Variants in MUC4 observed in about 807,000 individuals in gnomAD.
The protein encoded by MUC4 is mucin-4.
Under a neutral mutation model 257.9 loss-of-function variants are expected in MUC4, and 202 were observed. The ratio of observed to expected loss-of-function variants is 0.78; its 90% CI spans 0.70 to 0.88. The LOEUF is 0.88. Among genes scored for constraint, MUC4 ranks in the 40% least tolerant of loss-of-function variants. The probability of loss-of-function intolerance (pLI) is 0.00; values close to 1 mark genes in which losing one functional copy is unlikely to be tolerated. For missense variants in MUC4, 5,976 were observed against 6,513.7 expected (o/e 0.92, Z 2.84); for synonymous variants, 2,351 against 2,757.1 (o/e 0.85, Z 4.62).
chr3:195,804,505 T>C (rs1735733496), intron 1 of MUC4, among the ~76,000 whole-genome samples: 1 of 152,238 alleles, frequency 6.6e-6, no homozygotes, highest in Non-Finnish European at 1.5e-5. Context: ...CTAAGTGCTG[T>C]GGGTTGAGGC....
rs1460558268 is a variant in MUC4 at position 195,781,679 on chromosome 3, C to T, written c.9901G>A (p.Glu3301Lys). 2.2e-5 allele frequency: 29 copies of T among 1,289,904 alleles called. 2 individuals carry two copies. Among genetic ancestry groups the T allele is most frequent in the South Asian group, 1.2e-4 (9 of 74,998 alleles). 79.9% of individuals were successfully genotyped at this position (1,289,904 alleles called of 1,614,324 possible). ...TGACCTGTGGATACTGAGGAAGTCT[C>T]GGTGACAAGAAGAGGGGTGGTGTCA... is the stretch of plus-strand genomic sequence containing the variant. ...TGDTTPLLVT[E>K]TSSVSTGHAT... The change falls in exon 2 of 25, where the codon GAG becomes AAG. Residue 3301 changes from glutamate (E) to lysine (K), a missense_variant. By Grantham distance (56) the Glu-to-Lys change is moderately conservative (BLOSUM62 1). Coordinates refer to ENST00000463781, the MANE Select transcript of MUC4 (RefSeq NM_018406.7).
At chr3:195,753,368 T>TC in intron 19 of MUC4, 138 bp from the exon 20 acceptor site, 1 of 786,010 alleles carries the variant, frequency 1.3e-6, no homozygotes, top group Non-Finnish European at 2.0e-6. Flanking sequence ...AAACCATCCT[T>TC]CCCCCCTTTT....
chr3:195,767,542 ATCACCATCACCATTACCATTG>A lies in MUC4; in HGVS notation c.13530-812_13530-792del, dbSNP rs1224496343. ...CACCACCACCATCGCCACCACCATCATCACCATCACCATTACCATTGCCACCACCATCACCACCACCATCAC... is the reference window on the plus strand; with the variant it reads ...CACCACCACCATCGCCACCACCATCACCACCACCATCACCACCACCATCAC... On this transcript the variant is annotated intron_variant, in intron 7 of 24. Transcript: ENST00000463781. Among the ~76,000 whole-genome samples the A allele has an allele frequency of 2.9e-3, 363 of 124,676 alleles. 1 individual carries two copies. Among genetic ancestry groups the A allele is most frequent in the Middle Eastern group, 3.9e-3 (1 of 254 alleles). The allele number at this position is 124,676 out of a possible 152,430, so 81.8% of individuals were successfully genotyped here. A position where few individuals can be genotyped will look rare whatever the true frequency, so the allele number is the denominator to read the frequency against.
rs767007454 is a variant in MUC4 at position 195,784,702 on chromosome 3, C to T, written c.6878G>A (p.Ser2293Asn). The change falls in exon 2 of 25, where the codon AGC (serine) becomes AAC (asparagine). Residue 2293 changes from serine to asparagine, a missense_variant. By Grantham distance (46) the Ser-to-Asn change is conservative. Coordinates refer to ENST00000463781, the MANE Select transcript of MUC4 (RefSeq NM_018406.7). ...TGDTTPLPVTSPSSASTGHAT... is the reference protein window; with the variant it reads ...TGDTTPLPVTNPSSASTGHAT... The stretch of plus-strand genomic sequence containing the variant: ...GTGACCTGTGGATGCTGAGGAAGGG[C>T]TAGTGACAGGAAGAGGAGTGGTGTC... The T allele has an allele frequency of 4.9e-5, 69 of 1,406,316 alleles. 8 individuals carry two copies. Among genetic ancestry groups the T allele is most frequent in the African/African-American group, 1.2e-4 (4 of 34,764 alleles). The allele number at this position is 1,406,316 out of a possible 1,614,324, so 87.1% of individuals were successfully genotyped here.
At chr3:195,751,643 C>T (rs1271641948) in intron 21 of MUC4, 2 of 363,728 alleles carry the variant, frequency 5.5e-6, no homozygotes, top group Admixed American at 4.3e-5. Context: ...CTGGGGGTGT[C>T]AAGGTGACTT....
chr3:195,789,078 G>A lies in MUC4; in HGVS notation c.2502C>T (p.Pro834=). Reference sequence around the variant, plus strand: ...ACTGGGTTGTGTGACTGTCCCTGGAGGGGTTTGATGAAAACCTTGTCGTCT... The same window carrying A: ...ACTGGGTTGTGTGACTGTCCCTGGAAGGGTTTGATGAAAACCTTGTCGTCT... ...SGETTRFSSN[P]SRDSHTTQST... Residue 834 remains proline, a synonymous_variant, in exon 2 of 25, where the codon CCC becomes CCT. Transcript: ENST00000463781. The A allele has an allele frequency of 6.2e-7, 1 of 1,613,588 alleles. No individual in the cohort carries two copies. The highest frequency in any genetic ancestry group is 8.5e-7 in the Non-Finnish European group (1 of 1,179,712).
chr3:195,778,332 G>T lies in MUC4; in HGVS notation c.12914C>A (p.Ala4305Asp). 6.2e-7 allele frequency: 1 copy of T among 1,612,332 alleles called. No homozygotes were observed. The highest frequency in any genetic ancestry group is 8.5e-7 in the Non-Finnish European group (1 of 1,179,720). ...CTCAGGCAGGATGGGGATGGGGGCA[G>T]CTGTGGAGCGGGTGTGCATGGCAGT... ...PSTAMHTRST[A>D]APIPILPERG... Residue 4305 changes from alanine to aspartate, a missense_variant, in exon 3 of 25, where the codon GCT (alanine) becomes GAT (aspartate). Transcript: ENST00000463781.
chr3:195,752,252 G>A, intron 21 of MUC4, 121 bp downstream of exon 21: 1 of 942,468 alleles, frequency 1.1e-6, no homozygotes, highest in East Asian at 2.4e-5. Context: ...AGAGGCTCCG[G>A]CCTCCTCTGG....
At chr3:195,758,161 C>T (rs547077326) in intron 17 of MUC4, among the ~76,000 whole-genome samples, 1 of 152,320 alleles carries the variant, frequency 6.6e-6, no homozygotes, top group East Asian at 1.9e-4. Flanking sequence ...AAGTGGCATC[C>T]CTTTGATGCC....
intron 1 of MUC4, among the ~76,000 whole-genome samples, chr3:195,792,224 C>T (rs977605171): frequency 4.6e-5 from 7 of 152,024 alleles, no homozygotes; most frequent in African/African-American, 1.7e-4. Context: ...AAAATTTTTG[C>T]AATCTAACCA....
Position 195,765,349 on chromosome 3 carries a change from G to A in MUC4, c.13719C>T (p.Ser4573=), listed in dbSNP as rs751949619. The stretch of plus-strand genomic sequence containing the variant: ...GGCAGGAGACCTGGTTCCAGCCCCA[G>A]CTGGGCCACCGAGGCTGGCTCTTCA... ...QWLKSQPRWP[S]WGWNQVSCPC... The change falls in exon 9 of 25, where the codon AGC becomes AGT. Residue 4573 remains serine (S), a synonymous_variant. Coordinates refer to ENST00000463781, the MANE Select transcript of MUC4 (RefSeq NM_018406.7). 6.2e-7 allele frequency: 1 copy of A among 1,613,772 alleles called. No homozygotes were observed. The highest frequency in any genetic ancestry group is 8.5e-7 in the Non-Finnish European group (1 of 1,180,026).
rs201778696 is a variant in MUC4 at position 195,791,335 on chromosome 3, G to A, written c.245C>T (p.Thr82Met). ...GGTTTGAGCTTTGCTGGTGGTCTCC[G>A]TGCTCTTAGTCTGGTGGTTCTGAGA... ...ASSQNHQTKS[T>M]ETTSKAQTDT... Residue 82 changes from threonine to methionine, a missense_variant, in exon 2 of 25, where the codon ACG becomes ATG. Transcript: ENST00000463781. 2.3e-4 allele frequency: 366 copies of A among 1,613,708 alleles called. 1 individual carries two copies. Among genetic ancestry groups the A allele is most frequent in the Non-Finnish European group, 2.7e-4 (316 of 1,179,820 alleles).
chr3:195,751,317 G>C lies in MUC4; in HGVS notation c.15583-46C>G, dbSNP rs2291650. On this transcript the variant is annotated intron_variant, in intron 21 of 24. Coordinates refer to ENST00000463781, the MANE Select transcript of MUC4 (RefSeq NM_018406.7). ...TGGGGGTGGGGGTGAGGCCCCATCC[G>C]GGGGGGAGACGCCCTCCCACCTTGA... is the stretch of plus-strand genomic sequence containing the variant. 90 of 1,430,928 alleles carry C rather than the reference G, an allele frequency of 6.3e-5. No individual in the cohort carries two copies. The African/African-American group carries it at 9.9e-4, about 16-fold the overall frequency. 88.6% of individuals were successfully genotyped at this position (1,430,928 alleles called of 1,614,324 possible). A position where few individuals can be genotyped will look rare whatever the true frequency, so the allele number is the denominator to read the frequency against.
In MUC4 at chr3:195,778,795, G is replaced by A. The variant is rs901294491; in HGVS notation, c.12785C>T (p.Thr4262Ile). The change falls in exon 2 of 25, where the codon ACA becomes ATA. Residue 4262 changes from threonine (T) to isoleucine (I), a missense_variant. This residue lies in a region of MUC4 where 233 missense variants were observed against 171.2 expected (regional missense o/e 1.36). Transcript: ENST00000463781. ...GCGAGGCAGTTGGCAGCTACCTGGT[G>A]TTTCCATCTTCAGAGGGGAGTCCGA... ...VSSDSPLKMETPGMTTPSLKT... is the reference protein window; with the variant it reads ...VSSDSPLKMEIPGMTTPSLKT... The A allele has an allele frequency of 1.2e-6, 2 of 1,609,904 alleles. No individual in the cohort carries two copies. The highest frequency in any genetic ancestry group is 8.5e-7 in the Non-Finnish European group (1 of 1,178,034).
At chr3:195,763,290 G>A in intron 12 of MUC4, 143 bp downstream of exon 12, 1 of 858,192 alleles carries the variant, frequency 1.2e-6, no homozygotes. Context: ...TTTACTCCGG[G>A]ACAGCTGCGT....
chr3:195,780,845 T>C lies in MUC4; in HGVS notation c.10735A>G (p.Thr3579Ala), dbSNP rs1553872179. 6.9e-7 allele frequency: 1 copy of C among 1,444,204 alleles called. No homozygotes were observed. Among genetic ancestry groups the C allele is most frequent in the Admixed American group, 2.2e-5 (1 of 46,386 alleles). The allele number at this position is 1,444,204 out of a possible 1,614,324, so 89.5% of individuals were successfully genotyped here. A position where few individuals can be genotyped will look rare whatever the true frequency, so the allele number is the denominator to read the frequency against. Reference sequence around the variant, plus strand: ...ACAAGAAGAGGGGTGGTGTCACCTGTGGATACTGAGGAAAGGCTGGTGACA... The same window carrying C: ...ACAAGAAGAGGGGTGGTGTCACCTGCGGATACTGAGGAAAGGCTGGTGACA... ...LPVTSLSSVS[T>A]GDTTPLLVTD... Residue 3579 changes from threonine (T) to alanine (A), a missense_variant, in exon 2 of 25, where the codon ACA becomes GCA. Around this residue, in one of 44 missense-constraint regions of MUC4, gnomAD observed 59 missense variants for 149.8 expected, o/e 0.39. Transcript: ENST00000463781.
intron 1 of MUC4, among the ~76,000 whole-genome samples, chr3:195,799,087 T>G (rs1734950759): frequency 6.6e-6 from 1 of 152,224 alleles, no homozygotes; most frequent in Admixed American, 6.5e-5. Flanking sequence ...TACCACATCC[T>G]GCTGTGTGTC....
In MUC4 at chr3:195,769,112, C is replaced by G. The variant is rs139779754; in HGVS notation, c.13439G>C (p.Arg4480Thr). 3.3e-5 allele frequency: 54 copies of G among 1,614,068 alleles called. No individual in the cohort carries two copies. The South Asian group carries it at 5.5e-4, about 16-fold the overall frequency. Residue 4480 changes from arginine to threonine, a missense_variant, in exon 7 of 25, where the codon AGG (arginine) becomes ACG (threonine). Coordinates refer to ENST00000463781, the MANE Select transcript of MUC4 (RefSeq NM_018406.7). ...YQAILSTDGS[R>T]SYALFLYQSG... Reference sequence around the variant, plus strand: ...CTGGTAGAGAAACAGGGCATAGGACCTGCTCCCGTCCGTGGAGAGGATGGC... The same window carrying G: ...CTGGTAGAGAAACAGGGCATAGGACGTGCTCCCGTCCGTGGAGAGGATGGC...
chr3:195,797,006 G>A (rs1305498723), intron 1 of MUC4, among the ~76,000 whole-genome samples: 1 of 152,218 alleles, frequency 6.6e-6, no homozygotes, highest in Non-Finnish European at 1.5e-5. Context: ...ACTTTGGCAG[G>A]CCGAGGCAGG....
Sources: allele counts gnomAD v4.1 joint callset (sites outside exome capture counted in the v4.1 genomes callset), GRCh38; gene constraint gnomAD v4.1.1; regional missense constraint gnomAD v4.1.1; transcripts MANE v1.5; gene names NCBI Gene and HGNC (gene_info 2026-07-23, HGNC 2026-07-21).